The following RANBP3L variants were observed in gnomAD, a reference collection of about 807,000 sequenced individuals.
RANBP3L encodes ran-binding protein 3-like.
A neutral mutation model predicts 67.2 loss-of-function variants in RANBP3L; 56 were observed. That is an observed-to-expected ratio of 0.83 (90% CI 0.67 to 1.04). The LOEUF is 1.04. RANBP3L is among the 50% of genes least tolerant of loss of function. The pLI is 0.00. For synonymous variants in RANBP3L, 164 were observed against 181.4 expected (o/e 0.90, Z 0.77); for missense variants, 496 against 535.5 (o/e 0.93, Z 0.73).
intron 1 of RANBP3L, among the ~76,000 whole-genome samples, chr5:36,291,740 T>C (rs554400063): frequency 7.9e-6 from 1 of 127,098 alleles, no homozygotes; most frequent in African/African-American, 3.0e-5. Context: ...CATCATTTTT[T>C]ATGGCTGCAT....
rs1748348689 is a variant in RANBP3L at position 36,247,274 on chromosome 5, G to A, written c.*2380C>T. ...ATATTTGTGTAAGAATTCTAAGAAA[G>A]AATAATGGAGTGTATAGAAAATGGG... On this transcript the variant is annotated 3_prime_UTR_variant, in exon 14 of 14. Transcript: ENST00000296604. 6.6e-6 allele frequency among the ~76,000 whole-genome samples: 1 copy of A among 152,162 alleles called. No homozygotes were observed. The highest frequency in any genetic ancestry group is 6.5e-5 in the Admixed American group (1 of 15,284).
chr5:36,291,389 T>A (rs1246617991), intron 1 of RANBP3L, among the ~76,000 whole-genome samples: 3 of 151,836 alleles, frequency 2.0e-5, no homozygotes. Context: ...TTTAGCTGTA[T>A]CTTATTTATT....
chr5:36,252,543 C>T (rs1748667526), intron 12 of RANBP3L, among the ~76,000 whole-genome samples: 1 of 152,052 alleles, frequency 6.6e-6, no homozygotes, highest in African/African-American at 2.4e-5. Flanking sequence ...AAGTAGCTTT[C>T]CCGAAGGTTA....
At chr5:36,264,445 A>G (rs1221391319) in intron 6 of RANBP3L, among the ~76,000 whole-genome samples, 1 of 152,186 alleles carries the variant, frequency 6.6e-6, no homozygotes, top group Non-Finnish European at 1.5e-5. Flanking sequence ...TTCAGACACT[A>G]CATAGTTGGA....
chr5:36,279,513 G>A (rs1434284390), intron 1 of RANBP3L, among the ~76,000 whole-genome samples: 3 of 152,090 alleles, frequency 2.0e-5, no homozygotes. Context: ...AAGATAACGA[G>A]GCCTCTGGGG....
chr5:36,267,666 A>T (rs1329051119), intron 4 of RANBP3L, among the ~76,000 whole-genome samples: 1 of 152,212 alleles, frequency 6.6e-6, no homozygotes, highest in Non-Finnish European at 1.5e-5. Context: ...AAAACATGAG[A>T]ATAGAGATCA....
rs1167231928 is a variant in RANBP3L at position 36,247,879 on chromosome 5, C to T, written c.*1775G>A. Among the ~76,000 whole-genome samples, 1 of 152,168 alleles carries T rather than the reference C, an allele frequency of 6.6e-6. No homozygotes were observed. Among genetic ancestry groups the T allele is most frequent in the Non-Finnish European group, 1.5e-5 (1 of 68,032 alleles). On this transcript the variant is annotated 3_prime_UTR_variant, in exon 14 of 14. Coordinates refer to ENST00000296604, the MANE Select transcript of RANBP3L (RefSeq NM_145000.5). ...CTCCAACCTGGGTGACAGAGCGAGA[C>T]TCTGTCTAAAAAACAAACAAAATAA...
At chr5:36,286,986 A>G (rs1478415255) in intron 1 of RANBP3L, among the ~76,000 whole-genome samples, 3 of 152,032 alleles carry the variant, frequency 2.0e-5, no homozygotes, top group African/African-American at 7.2e-5. Flanking sequence ...TATCATTTAC[A>G]CCATTGAGCC....
intron 12 of RANBP3L, among the ~76,000 whole-genome samples, chr5:36,253,290 G>A (rs1319742113): frequency 6.6e-6 from 1 of 152,032 alleles, no homozygotes; most frequent in Non-Finnish European, 1.5e-5. Flanking sequence ...TCAGCTTGCA[G>A]GATAAGCATT....
At chr5:36,253,388 T>G in intron 12 of RANBP3L, among the ~76,000 whole-genome samples, 1 of 152,096 alleles carries the variant, frequency 6.6e-6, no homozygotes, top group East Asian at 1.9e-4. Context: ...AAAATTTCAA[T>G]AGTAAAGTAA....
chr5:36,295,579 T>C (rs1356446015), intron 1 of RANBP3L, among the ~76,000 whole-genome samples: 1 of 151,842 alleles, frequency 6.6e-6, no homozygotes, highest in African/African-American at 2.4e-5. Context: ...TACATTGCCA[T>C]AGTACTTTTC....
rs575710731 is a variant in RANBP3L, at chr5:36,272,831, T to C, written c.92-1520A>G. Among the ~76,000 whole-genome samples the C allele has an allele frequency of 6.6e-5, 10 of 152,228 alleles. No individual in the cohort carries two copies. The South Asian group carries it at 2.1e-3, about 32-fold the overall frequency. On this transcript the variant is annotated intron_variant, in intron 1 of 13. Coordinates refer to ENST00000296604, the MANE Select transcript of RANBP3L (RefSeq NM_145000.5). Reference sequence around the variant, plus strand: ...AGCTAATTTGTATTTTTAGTAGAGATGGAGTTTCACCATGTTGGCCACGCT... The same window carrying C: ...AGCTAATTTGTATTTTTAGTAGAGACGGAGTTTCACCATGTTGGCCACGCT...
Position 36,249,618 on chromosome 5 carries a change from T to C in RANBP3L, c.*36A>G. On this transcript the variant is annotated 3_prime_UTR_variant, in exon 14 of 14. Coordinates refer to ENST00000296604, the MANE Select transcript of RANBP3L (RefSeq NM_145000.5). ...TTAGTATTTTCAGTAGGGTGACCCC[T>C]CTTTTTGTAGATGTCATGTTTATAG... 7.9e-7 allele frequency: 1 copy of C among 1,271,604 alleles called. No individual in the cohort carries two copies. The highest frequency in any genetic ancestry group is 1.5e-5 in the South Asian group (1 of 64,834). 78.8% of individuals were successfully genotyped at this position (1,271,604 alleles called of 1,614,324 possible).
intron 1 of RANBP3L, among the ~76,000 whole-genome samples, chr5:36,285,721 C>A (rs534558531): frequency 3.9e-5 from 6 of 152,234 alleles, no homozygotes; most frequent in Admixed American, 3.9e-4. Context: ...GTTACCAGCA[C>A]CAGGAAACCC....
chr5:36,280,968 A>G (rs578101576), intron 1 of RANBP3L, among the ~76,000 whole-genome samples: 1 of 152,342 alleles, frequency 6.6e-6, no homozygotes, highest in East Asian at 1.9e-4. Flanking sequence ...CTGATCACCA[A>G]GGATGCTTCT....
Position 36,285,334 on chromosome 5 carries a change from C to T in RANBP3L, c.92-14023G>A, listed in dbSNP as rs117814711. ...TTATAGGTCTCCTAGTGGAACTTAT[C>T]ATCTAAGGTGTCAAGAGCATCCTCA... On this transcript the variant is annotated intron_variant, in intron 1 of 13. Coordinates refer to ENST00000296604, the MANE Select transcript of RANBP3L (RefSeq NM_145000.5). Among the ~76,000 whole-genome samples the T allele has an allele frequency of 3.3e-4, 51 of 152,288 alleles. No homozygotes were observed. The East Asian group carries it at 9.9e-3, about 29-fold the overall frequency.
chr5:36,249,736 A>T (rs762733014), intron 13 of RANBP3L, 39 bp from the exon 14 acceptor site: 11 of 1,137,026 alleles, frequency 9.7e-6, no homozygotes, highest in Non-Finnish European at 1.4e-5. Flanking sequence ...ATACAATATT[A>T]TATTTAGGGT....
chr5:36,290,120 T>C (rs1206626027), intron 1 of RANBP3L, among the ~76,000 whole-genome samples: 2 of 152,192 alleles, frequency 1.3e-5, no homozygotes, highest in East Asian at 3.8e-4. Flanking sequence ...TACATCTTTC[T>C]GGCACAAAGG....
In RANBP3L at chr5:36,290,597, T is replaced by C. The variant is rs529602794; in HGVS notation, c.91+10729A>G. 8.4e-4 allele frequency among the ~76,000 whole-genome samples: 128 copies of C among 152,176 alleles called. 1 individual carries two copies. Among genetic ancestry groups the C allele is most frequent in the Non-Finnish European group, 1.1e-3 (72 of 67,994 alleles). ...TGAAAGAAGTAGCTTTGGGGAATCA[T>C]GGAGGAGCAGACTACTTTCTCATGA... On this transcript the variant is annotated intron_variant, in intron 1 of 13. Transcript: ENST00000296604.
Sources: allele counts gnomAD v4.1 joint callset (sites outside exome capture counted in the v4.1 genomes callset), GRCh38; gene constraint gnomAD v4.1.1; transcripts MANE v1.5; gene names NCBI Gene and HGNC (gene_info 2026-07-23, HGNC 2026-07-21).